PCDHGA3: variants seen among roughly 807,000 people sequenced by gnomAD.
PCDHGA3 encodes the protein protocadherin gamma-A3.
A neutral mutation model predicts 58.5 loss-of-function variants in PCDHGA3; 40 were observed. That is an observed-to-expected ratio of 0.68 (90% CI 0.53 to 0.89). PCDHGA3 has a LOEUF of 0.89. Ranked by LOEUF, PCDHGA3 falls within the 40% of genes least tolerant of loss-of-function variation. The pLI is 0.00. For synonymous variants in PCDHGA3, 530 were observed against 525.7 expected (o/e 1.01, Z -0.11); for missense variants, 1,223 against 1,195.9 (o/e 1.02, Z -0.33).
intron 2 of PCDHGA3, among the ~76,000 whole-genome samples, chr5:141,502,337 T>C (rs1562205634): frequency 6.6e-6 from 1 of 152,184 alleles, no homozygotes; most frequent in Admixed American, 6.5e-5. Flanking sequence ...CCCAGTCTTT[T>C]TATTTTTTTA....
Position 141,489,753 on chromosome 5 carries a change from T to A in PCDHGA3, c.2425-5054T>A, listed in dbSNP as rs549652158. On this transcript the variant is annotated intron_variant, in intron 1 of 3. Transcript: ENST00000253812. The surrounding 1 kb of genome is among the most constrained non-coding windows in gnomAD (Gnocchi z 4.5). ...GCACCAATACTGTGAGCTTTTACAC[T>A]CTAAGCCCCAACAGCCACTTCTCTC... 6.2e-7 allele frequency: 1 copy of A among 1,614,070 alleles called. No homozygotes were observed. The highest frequency in any genetic ancestry group is 2.2e-5 in the East Asian group (1 of 44,866).
At chr5:141,365,327 G>T in intron 1 of PCDHGA3, 1 of 1,613,998 alleles carries the variant, frequency 6.2e-7, no homozygotes, top group East Asian at 2.2e-5. Flanking sequence ...CAGCGCTAAG[G>T]TGGTGGTCAC....
chr5:141,385,604 C>T, intron 1 of PCDHGA3: 1 of 1,188,174 alleles, frequency 8.4e-7, no homozygotes, highest in Non-Finnish European at 1.1e-6. Flanking sequence ...TTTCTTAACT[C>T]ATATATTTTA....
At chr5:141,361,340 A>G (rs1394183800) in intron 1 of PCDHGA3, 2 of 1,613,974 alleles carry the variant, frequency 1.2e-6, no homozygotes, top group Non-Finnish European at 1.7e-6. Context: ...AAGAACTATT[A>G]CAAACTAGTG....
In PCDHGA3 at chr5:141,431,961, A is replaced by C; in HGVS notation, c.2425-62846A>C. Reference sequence around the variant, plus strand: ...AAATTAGAAAAATCTTACGGAAATTACTATAGTTTAGTCACAGACATAGTC... The same window carrying C: ...AAATTAGAAAAATCTTACGGAAATTCCTATAGTTTAGTCACAGACATAGTC... On this transcript the variant is annotated intron_variant, in intron 1 of 3. Transcript: ENST00000253812. The surrounding 1 kb of genome is among the most constrained non-coding windows in gnomAD (Gnocchi z 4.8). 1 of 1,614,206 alleles carries C rather than the reference A, an allele frequency of 6.2e-7. No homozygotes were observed.
At chr5:141,388,831 T>A (rs1300455758) in intron 1 of PCDHGA3, 1 of 1,613,964 alleles carries the variant, frequency 6.2e-7, no homozygotes, top group Non-Finnish European at 8.5e-7. Flanking sequence ...TATTCCATAG[T>A]TTTGGAAGCA....
intron 1 of PCDHGA3, among the ~76,000 whole-genome samples, chr5:141,400,971 C>T (rs1161811260): frequency 6.6e-6 from 1 of 152,138 alleles, no homozygotes; most frequent in African/African-American, 2.4e-5. Flanking sequence ...TCATCTCTTT[C>T]TTATGTTCCT....
intron 1 of PCDHGA3, chr5:141,383,141 G>A (rs781049830): frequency 1.2e-6 from 2 of 1,614,134 alleles, no homozygotes; most frequent in Admixed American, 1.7e-5. Flanking sequence ...AACCAGCGCA[G>A]CGGCAGCTTG....
chr5:141,365,359 T>C, intron 1 of PCDHGA3: 1 of 1,613,920 alleles, frequency 6.2e-7, no homozygotes, highest in South Asian at 1.1e-5. Context: ...TGAATGACAA[T>C]GCCCCCGAAG....
chr5:141,405,345 A>C (rs758657243), intron 1 of PCDHGA3: 2 of 1,613,944 alleles, frequency 1.2e-6, no homozygotes, highest in Middle Eastern at 1.6e-4. Context: ...GTTGATTCCA[A>C]GTTTCCTATA....
chr5:141,410,841 G>GT, intron 1 of PCDHGA3: 1 of 214,604 alleles, frequency 4.7e-6, no homozygotes, highest in Non-Finnish European at 7.8e-6. Context: ...AAGATATTTT[G>GT]TCTTTGTCTT....
intron 1 of PCDHGA3, among the ~76,000 whole-genome samples, chr5:141,481,913 CAAAAA>C (rs34114744): frequency 1.1e-5 from 1 of 90,852 alleles, no homozygotes; most frequent in Non-Finnish European, 2.2e-5. Flanking sequence ...AACTCCATCT[CAAAAA>C]AAAAAAAAAA....
chr5:141,345,742 A>G lies in PCDHGA3; in HGVS notation c.1709A>G (p.Asp570Gly). The stretch of plus-strand genomic sequence containing the variant: ...ATCCTGTACCCCGCCCTCCCCACAG[A>G]CGGTTCCACTGGCGTGGAGCTGGCG... Reference protein sequence around the residue: ...PEILYPALPTDGSTGVELAPR... With the variant: ...PEILYPALPTGGSTGVELAPR... The change falls in exon 1 of 4, where the codon GAC (aspartate) becomes GGC (glycine). Residue 570 changes from aspartate to glycine, a missense_variant. Transcript: ENST00000253812. 3.1e-6 allele frequency: 5 copies of G among 1,614,140 alleles called. No individual in the cohort carries two copies. The highest frequency in any genetic ancestry group is 4.2e-6 in the Non-Finnish European group (5 of 1,180,010).
chr5:141,442,232 T>A (rs1303447766), intron 1 of PCDHGA3: 2 of 153,276 alleles, frequency 1.3e-5, no homozygotes, highest in Non-Finnish European at 2.9e-5. Context: ...TTCCTTTTTA[T>A]TCTTCCTGAT....
intron 1 of PCDHGA3, among the ~76,000 whole-genome samples, chr5:141,425,103 A>G (rs894147422): frequency 1.3e-5 from 2 of 152,202 alleles, no homozygotes; most frequent in Non-Finnish European, 2.9e-5. Flanking sequence ...CTTCCAACAG[A>G]TGCCTACATT....
At chr5:141,418,872 T>C (rs1351483025) in intron 1 of PCDHGA3, 11 of 1,613,996 alleles carry the variant, frequency 6.8e-6, no homozygotes, top group East Asian at 2.2e-5. Context: ...GTAGAAGTTG[T>C]AGACGAAAAC....
chr5:141,485,895 C>G lies in PCDHGA3; in HGVS notation c.2425-8912C>G, dbSNP rs1243568042. On this transcript the variant is annotated intron_variant, in intron 1 of 3. Coordinates refer to ENST00000253812, the MANE Select transcript of PCDHGA3 (RefSeq NM_018916.4). This position sits in a 1 kb window ranked among gnomAD's most constrained non-coding sequence, Gnocchi z 5.7. Reference sequence around the variant, plus strand: ...CTGGACGTAAACGACAACGCCCCAGCCTTCCAGCAATCCAGCTACAGGATT... The same window carrying G: ...CTGGACGTAAACGACAACGCCCCAGGCTTCCAGCAATCCAGCTACAGGATT... 3 of 1,614,136 alleles carry G rather than the reference C, an allele frequency of 1.9e-6. No individual in the cohort carries two copies. The highest frequency in any genetic ancestry group is 2.5e-6 in the Non-Finnish European group (3 of 1,180,036).
intron 1 of PCDHGA3, chr5:141,418,920 A>G: frequency 6.2e-7 from 1 of 1,613,992 alleles, no homozygotes; most frequent in Non-Finnish European, 8.5e-7. Flanking sequence ...TCACTCTCTG[A>G]TCAGATTATG....
intron 1 of PCDHGA3, chr5:141,362,256 G>A (rs775272258): frequency 6.2e-7 from 1 of 1,614,020 alleles, no homozygotes; most frequent in Non-Finnish European, 8.5e-7. Flanking sequence ...TCCTCGCGGT[G>A]ATTCTGGCAA....
Sources: gnomAD v4.1 joint callset for allele counts (sites outside exome capture counted in the v4.1 genomes callset) on GRCh38, gnomAD v4.1.1 for gene constraint, Gnocchi (gnomAD v3.1) non-coding constraint, MANE v1.5 for transcripts, NCBI Gene and HGNC (gene_info 2026-07-23, HGNC 2026-07-21) for gene names.